Variants in FANCA observed in about 807,000 individuals in gnomAD.
FANCA encodes the protein FA complementation group A, also known as Fanconi anemia group A protein.
FANCA carries 236 observed loss-of-function variants against 194.3 expected under a neutral mutation model. The observed-to-expected ratio is 1.21, with a 90% CI of 1.09 to 1.35. FANCA has a LOEUF of 1.35. Ranked by LOEUF, FANCA falls within the 40% of genes most tolerant of loss-of-function variation. FANCA has a pLI of 0.00. For synonymous variants in FANCA, 1,014 were observed against 715.8 expected (o/e 1.42, Z -6.65); for missense variants, 2,628 against 1,813.9 (o/e 1.45, Z -8.15).
At chr16:89,761,255 C>G (rs11643505) in intron 29 of FANCA, among the ~76,000 whole-genome samples, 7 of 151,932 alleles carry the variant, frequency 4.6e-5, no homozygotes, top group Non-Finnish European at 7.4e-5. Context: ...CCGTCTCTAC[C>G]AAAAATACAA....
chr16:89,791,591 T>G (rs1392488691), intron 13 of FANCA, 55 bp from the exon 14 acceptor site: 3 of 1,608,840 alleles, frequency 1.9e-6, no homozygotes, highest in Non-Finnish European at 2.5e-6. Context: ...AGCAGGAACA[T>G]GACGTGAGTT....
In FANCA at chr16:89,778,859, A is replaced by C; in HGVS notation, c.1777-9T>G. 6.2e-7 allele frequency: 1 copy of C among 1,613,988 alleles called. No individual in the cohort carries two copies. Among genetic ancestry groups the C allele is most frequent in the Non-Finnish European group, 8.5e-7 (1 of 1,179,996 alleles). ...TCAGGGACTTTGGGGAGCTGTGGGAAGAGAAGAGACCTGTGAGAGACTGAC... is the reference window on the plus strand; with the variant it reads ...TCAGGGACTTTGGGGAGCTGTGGGACGAGAAGAGACCTGTGAGAGACTGAC... On this transcript the variant is annotated splice_polypyrimidine_tract_variant and intron_variant, in intron 19 of 42. Coordinates refer to ENST00000389301, the MANE Select transcript of FANCA (RefSeq NM_000135.4).
intron 36 of FANCA, 81 bp downstream of exon 36, chr16:89,744,878 C>T (rs2062208318): frequency 3.1e-6 from 4 of 1,304,174 alleles, no homozygotes; most frequent in Non-Finnish European, 4.3e-6. Context: ...CTCAAGCAAG[C>T]CAGGGTGTTT....
chr16:89,775,900 A>G lies in FANCA; in HGVS notation c.1827-85T>C, dbSNP rs1204568629. 17 of 808,208 alleles carry G rather than the reference A, an allele frequency of 2.1e-5. No homozygotes were observed. In the African/African-American group the frequency reaches 2.8e-4, roughly 13 times the overall value. 50.1% of individuals were successfully genotyped at this position (808,208 alleles called of 1,614,324 possible). ...CAATCCCCAAATCTATTATAAAATA[A>G]AAACATATTAAATTTAAATAAATTA... is the stretch of plus-strand genomic sequence containing the variant. On this transcript the variant is annotated intron_variant, in intron 20 of 42. Transcript: ENST00000389301.
intron 5 of FANCA, 52 bp downstream of exon 5, chr16:89,810,655 A>T (rs1309412698): frequency 9.1e-6 from 11 of 1,204,680 alleles, no homozygotes; most frequent in South Asian, 6.0e-5. Context: ...ATCCAGATCA[A>T]CAGAACATTG....
rs186907979 is a variant in FANCA at position 89,765,787 on chromosome 16, C to T, written c.2602-721G>A. On this transcript the variant is annotated intron_variant, in intron 27 of 42. Transcript: ENST00000389301. ...TGGGTGGGAACCACGCTGCCCTCTC[C>T]TAAGCTCAAACTCCATGTTTTCTTT... 2.7e-3 allele frequency among the ~76,000 whole-genome samples: 418 copies of T among 152,354 alleles called. 5 individuals carry two copies. The highest frequency in any genetic ancestry group is 8.2e-4 in the Non-Finnish European group (56 of 68,034).
intron 30 of FANCA, 69 bp downstream of exon 30, chr16:89,758,508 A>G: frequency 3.2e-6 from 5 of 1,586,446 alleles, no homozygotes; most frequent in African/African-American, 1.3e-5. Context: ...ATGGCCAGAA[A>G]CTCCCCTTTA....
intron 32 of FANCA, among the ~76,000 whole-genome samples, chr16:89,749,471 C>T (rs1197165377): frequency 6.6e-6 from 1 of 152,232 alleles, no homozygotes; most frequent in African/African-American, 2.4e-5. Flanking sequence ...AGGTGATCCA[C>T]TCACCTCAGC....
At chr16:89,793,679 C>T (rs2040152603) in intron 11 of FANCA, among the ~76,000 whole-genome samples, 1 of 151,848 alleles carries the variant, frequency 6.6e-6, no homozygotes, top group African/African-American at 2.4e-5. Flanking sequence ...CTCCCTGGCT[C>T]AAGCAATCCA....
chr16:89,796,474 C>A (rs1281902369), intron 10 of FANCA, among the ~76,000 whole-genome samples: 1 of 152,172 alleles, frequency 6.6e-6, no homozygotes, highest in African/African-American at 2.4e-5. Flanking sequence ...ACAACAGGGA[C>A]TGAGGCCAGC....
chr16:89,792,976 A>C (rs9928681), intron 11 of FANCA, among the ~76,000 whole-genome samples: 1 of 151,898 alleles, frequency 6.6e-6, no homozygotes, highest in African/African-American at 2.4e-5. Flanking sequence ...TCACTAATTT[A>C]CTACTGCTAT....
At chr16:89,768,229 T>G (rs533186610) in intron 26 of FANCA, among the ~76,000 whole-genome samples, 1 of 152,270 alleles carries the variant, frequency 6.6e-6, no homozygotes, top group East Asian at 1.9e-4. Flanking sequence ...CCTGTGTCAT[T>G]TACTCAACAT....
Position 89,737,810 on chromosome 16 carries a change from G to A in FANCA, c.*791C>T, listed in dbSNP as rs757278617. ...CACTGGACTCTCCCCTCTCAGAGGT[G>A]CGGAACTATATCTGTGACGAATGTG... is the stretch of plus-strand genomic sequence containing the variant. On this transcript the variant is annotated 3_prime_UTR_variant, in exon 43 of 43. Coordinates refer to ENST00000389301, the MANE Select transcript of FANCA (RefSeq NM_000135.4). 2 of 1,614,184 alleles carry A rather than the reference G, an allele frequency of 1.2e-6. No homozygotes were observed. The highest frequency in any genetic ancestry group is 1.7e-6 in the Non-Finnish European group (2 of 1,180,028).
chr16:89,760,590 C>A (rs925171876), intron 29 of FANCA, among the ~76,000 whole-genome samples: 2 of 152,182 alleles, frequency 1.3e-5, no homozygotes, highest in East Asian at 1.9e-4. Context: ...AAACTCCACA[C>A]CCTTAAACCC....
chr16:89,746,738 C>G (rs1251081868), intron 34 of FANCA, 50 bp from the exon 35 acceptor site: 1 of 1,603,476 alleles, frequency 6.2e-7, no homozygotes, highest in Admixed American at 1.7e-5. Context: ...GGACCCACAA[C>G]TAGTAGAGTG....
intron 12 of FANCA, 149 bp from the exon 13 acceptor site, chr16:89,792,217 G>A: frequency 2.0e-6 from 2 of 1,016,028 alleles, no homozygotes; most frequent in Non-Finnish European, 3.1e-6. Flanking sequence ...CTCACACCGT[G>A]GCGTCTCTCC....
Position 89,748,677 on chromosome 16 carries a change from G to A in FANCA, c.3330C>T (p.His1110=), listed in dbSNP as rs557605228. Residue 1110 remains histidine, a synonymous_variant, in exon 33 of 43, where the codon CAC becomes CAT. Transcript: ENST00000389301. The stretch of plus-strand genomic sequence containing the variant: ...CACCTACCATCTCAGAGTTGACCAA[G>A]TGGAAGAACTGCTCGCATCTGGCAG... ...PITARCEQFF[H]LVNSEMRNFC... The A allele has an allele frequency of 1.9e-6, 3 of 1,614,050 alleles. No homozygotes were observed. Among genetic ancestry groups the A allele is most frequent in the South Asian group, 2.2e-5 (2 of 91,076 alleles).
rs374968669 is a variant in FANCA, at chr16:89,778,822, G to C, written c.1805C>G (p.Ala602Gly). The stretch of plus-strand genomic sequence containing the variant: ...ATACCTCTTCAGAGACTCTATAAAC[G>C]CCACACGGGAGTCAGGGACTTTGGG... ...VLPKVPDSRV[A>G]FIESLKRADK... Residue 602 changes from alanine (A) to glycine (G), a missense_variant, in exon 20 of 43, where the codon GCG becomes GGG. By Grantham distance (60) the Ala-to-Gly change is moderately conservative. Transcript: ENST00000389301. 26 of 1,613,810 alleles carry C rather than the reference G, an allele frequency of 1.6e-5. No homozygotes were observed. The highest frequency in any genetic ancestry group is 2.1e-5 in the Non-Finnish European group (25 of 1,179,982).
chr16:89,802,071 T>C (rs1420202844), intron 8 of FANCA, among the ~76,000 whole-genome samples: 4 of 152,156 alleles, frequency 2.6e-5, no homozygotes, highest in African/African-American at 9.7e-5. Flanking sequence ...CAACAAGAGA[T>C]GACCGGATAC....
Sources: gnomAD v4.1 joint callset for allele counts (sites outside exome capture counted in the v4.1 genomes callset) on GRCh38, gnomAD v4.1.1 for gene constraint, MANE v1.5 for transcripts, NCBI Gene and HGNC (gene_info 2026-07-23, HGNC 2026-07-21) for gene names.